Variants in KIF16B observed in about 807,000 individuals in gnomAD.
The protein encoded by KIF16B is kinesin family member 16B.
KIF16B carries 98 observed loss-of-function variants against 156.3 expected under a neutral mutation model. The ratio of observed to expected loss-of-function variants is 0.63; its 90% confidence interval spans 0.53 to 0.74. The LOEUF (loss-of-function observed/expected upper bound fraction) is 0.74, where lower values mean the gene tolerates loss of function less well. Among genes scored for constraint, KIF16B ranks in the 30% least tolerant of loss-of-function variants. KIF16B has a pLI of 0.00. For missense variants in KIF16B, 1,421 were observed against 1,606.5 expected (o/e 0.88, Z 1.97); for synonymous variants, 564 against 583.7 (o/e 0.97, Z 0.49).
chr20:16,384,924 C>T (rs905871050), intron 17 of KIF16B, among the ~76,000 whole-genome samples: 19 of 152,096 alleles, frequency 1.2e-4, no homozygotes, highest in Non-Finnish European at 2.4e-4. Flanking sequence ...TGGCCAGGCA[C>T]GGTGGCTCAC....
intron 17 of KIF16B, among the ~76,000 whole-genome samples, chr20:16,386,515 G>T (rs936833373): frequency 6.6e-6 from 1 of 151,928 alleles, no homozygotes; most frequent in Admixed American, 6.6e-5. Context: ...TGTAAATACA[G>T]TAGAGCGCTT....
chr20:16,295,570 A>C (rs6075044), intron 25 of KIF16B, among the ~76,000 whole-genome samples: 63,612 of 150,182 alleles, frequency 0.42, 13,531 homozygotes, highest in Non-Finnish European at 0.45. Flanking sequence ...TATGTTTTAT[A>C]TTATTTCATA....
chr20:16,429,728 G>A (rs1304183046), intron 13 of KIF16B, 135 bp downstream of exon 13: 4 of 693,974 alleles, frequency 5.8e-6, no homozygotes, highest in Non-Finnish European at 6.3e-6. Flanking sequence ...TTCCCAAAGG[G>A]CTCAAGGATT....
chr20:16,272,165 A>G lies in KIF16B; in HGVS notation c.*1088T>C, dbSNP rs1167945925. ...CAATTTAAATTTTGAAAAAGCAAAT[A>G]CATTTAATAAAATTGGTGTGAATTA... On this transcript the variant is annotated 3_prime_UTR_variant, in exon 26 of 26. Transcript: ENST00000354981. 6.6e-6 allele frequency: 1 copy of G among 152,670 alleles called. No homozygotes were observed. 9.5% of individuals were successfully genotyped at this position (152,670 alleles called of 1,614,324 possible). A position where few individuals can be genotyped will look rare whatever the true frequency, so the allele number is the denominator to read the frequency against.
chr20:16,389,511 G>T (rs13038383), intron 17 of KIF16B, among the ~76,000 whole-genome samples: 1 of 152,080 alleles, frequency 6.6e-6, no homozygotes, highest in African/African-American at 2.4e-5. Context: ...GTTTAGTTCC[G>T]ACTACAGAGG....
At chr20:16,410,364 G>A (rs1217575719) in intron 15 of KIF16B, among the ~76,000 whole-genome samples, 2 of 148,602 alleles carry the variant, frequency 1.3e-5, no homozygotes, top group African/African-American at 2.5e-5. Context: ...TAGAGAGAGA[G>A]ACATATACAT....
chr20:16,488,284 T>C (rs910685040), intron 12 of KIF16B, among the ~76,000 whole-genome samples: 6 of 152,244 alleles, frequency 3.9e-5, no homozygotes, highest in African/African-American at 1.4e-4. Context: ...AGCTCTCCCT[T>C]CTGCCGCACC....
intron 23 of KIF16B, among the ~76,000 whole-genome samples, chr20:16,351,843 T>G (rs929141522): frequency 3.3e-5 from 5 of 152,150 alleles, no homozygotes; most frequent in African/African-American, 1.2e-4. Context: ...TAACCTTTTG[T>G]ATCATCAGGT....
At chr20:16,368,423 G>A in intron 22 of KIF16B, 1 of 986,754 alleles carries the variant, frequency 1.0e-6, no homozygotes, top group Non-Finnish European at 1.2e-6. Context: ...GGCATGTGTG[G>A]GGCTAAGTGC....
At position 16,476,313 on chromosome 20, in the gene KIF16B, T is replaced by G. The variant is rs549533213; in HGVS notation, c.1302+17978A>C. On this transcript the variant is annotated intron_variant, in intron 12 of 25. Transcript: ENST00000354981. ...TTGCCAATTGTCAATTGTATTATAC[T>G]CCAATATTTAAAATATCTCATAAGA... Among the ~76,000 whole-genome samples the G allele has an allele frequency of 6.6e-5, 10 of 152,346 alleles. 1 individual carries two copies. The South Asian group carries it at 2.1e-3, about 32-fold the overall frequency.
chr20:16,506,348 C>T (rs2068778450), intron 7 of KIF16B, among the ~76,000 whole-genome samples, 158 bp from the exon 8 acceptor site: 1 of 152,126 alleles, frequency 6.6e-6, no homozygotes. Flanking sequence ...ATTACAGAAA[C>T]TTCTCAAATT....
rs930506933 is a variant in KIF16B, at chr20:16,429,048, G to A, written c.1423-44C>T. 10 of 1,498,250 alleles carry A rather than the reference G, an allele frequency of 6.7e-6. No homozygotes were observed. The African/African-American group carries it at 9.6e-5, about 14-fold the overall frequency. 92.8% of individuals were successfully genotyped at this position (1,498,250 alleles called of 1,614,324 possible). On this transcript the variant is annotated intron_variant, in intron 13 of 25. Transcript: ENST00000354981. ...CAAAATGTATTAGTAAGAAGAGAAG[G>A]AATAGCTTGTTTCTTCATTTTTCAT... is the stretch of plus-strand genomic sequence containing the variant.
chr20:16,560,124 C>T (rs1477427723), intron 1 of KIF16B, among the ~76,000 whole-genome samples: 3 of 152,160 alleles, frequency 2.0e-5, no homozygotes, highest in African/African-American at 4.8e-5. Context: ...TGAATCATCA[C>T]ATGTGAGCAC....
chr20:16,403,598 TG>T (rs1038814292), intron 17 of KIF16B, among the ~76,000 whole-genome samples: 2 of 151,794 alleles, frequency 1.3e-5, no homozygotes, highest in Non-Finnish European at 1.5e-5. Context: ...AAAGCGGGGG[TG>T]GGGGCGCCCA....
chr20:16,304,503 A>G (rs778060225), intron 25 of KIF16B, among the ~76,000 whole-genome samples: 1 of 152,200 alleles, frequency 6.6e-6, no homozygotes. Flanking sequence ...TTTGCTGCTG[A>G]TGATAGTGGT....
At chr20:16,547,331 C>A (rs1468699875) in intron 1 of KIF16B, among the ~76,000 whole-genome samples, 1 of 152,344 alleles carries the variant, frequency 6.6e-6, no homozygotes, top group Non-Finnish European at 1.5e-5. Flanking sequence ...TATCATGGCT[C>A]ATGCCCTTAG....
intron 25 of KIF16B, among the ~76,000 whole-genome samples, chr20:16,290,972 A>G (rs1054978893): frequency 6.6e-6 from 1 of 152,234 alleles, no homozygotes; most frequent in Admixed American, 6.5e-5. Flanking sequence ...AAATTAAGAA[A>G]CTAAGTTTTA....
chr20:16,396,141 A>G (rs964897544), intron 17 of KIF16B, among the ~76,000 whole-genome samples: 2 of 152,128 alleles, frequency 1.3e-5, no homozygotes, highest in Admixed American at 1.3e-4. Flanking sequence ...CCCAGTCCCC[A>G]GGCTGCGGAC....
In KIF16B at chr20:16,375,962, T is replaced by C. The variant is rs1003027579; in HGVS notation, c.3198-1553A>G. Among the ~76,000 whole-genome samples the C allele has an allele frequency of 1.4e-4, 21 of 152,312 alleles. No individual in the cohort carries two copies. In the East Asian group the frequency reaches 4.1e-3, roughly 29 times the overall value. ...AGAGATGGGTGATGAGATTGAGATCTGACTTGCAACTCTGCCACTTTCTAA... is the reference window on the plus strand; with the variant it reads ...AGAGATGGGTGATGAGATTGAGATCCGACTTGCAACTCTGCCACTTTCTAA... On this transcript the variant is annotated intron_variant, in intron 19 of 25. Coordinates refer to ENST00000354981, the MANE Select transcript of KIF16B (RefSeq NM_024704.5).
Sources: gnomAD v4.1 joint callset for allele counts (sites outside exome capture counted in the v4.1 genomes callset) on GRCh38, gnomAD v4.1.1 for gene constraint, MANE v1.5 for transcripts, NCBI Gene and HGNC (gene_info 2026-07-23, HGNC 2026-07-21) for gene names.